KCNN2: variants seen among roughly 807,000 people sequenced by gnomAD.
The protein encoded by KCNN2 is potassium calcium-activated channel subfamily N member 2.
Under a neutral mutation model 55.5 loss-of-function variants are expected in KCNN2, and 24 were observed. The ratio of observed to expected loss-of-function variants is 0.43; its 90% CI spans 0.31 to 0.61. The LOEUF (loss-of-function observed/expected upper bound fraction) is 0.61, where lower values mean the gene tolerates loss of function less well. Ranked by LOEUF, KCNN2 falls within the 20% of genes least tolerant of loss-of-function variation. The pLI is 0.08. For missense variants in KCNN2, 754 were observed against 853.6 expected (o/e 0.88, Z 1.45); for synonymous variants, 431 against 336.1 (o/e 1.28, Z -3.09).
intron 1 of KCNN2, among the ~76,000 whole-genome samples, chr5:114,129,914 G>A (rs1200024412): frequency 6.6e-6 from 1 of 152,182 alleles, no homozygotes; most frequent in Non-Finnish European, 1.5e-5. Flanking sequence ...AACACATCAA[G>A]CCCAAAATTC....
chr5:114,261,159 T>C (rs1755101239), intron 2 of KCNN2, among the ~76,000 whole-genome samples: 1 of 152,180 alleles, frequency 6.6e-6, no homozygotes, highest in East Asian at 1.9e-4. Context: ...CCTCCAGAGA[T>C]TTCTAGGAAA....
intron 3 of KCNN2, among the ~76,000 whole-genome samples, chr5:114,422,284 A>T (rs1243457019): frequency 6.6e-6 from 1 of 152,130 alleles, no homozygotes; most frequent in South Asian, 2.1e-4. Context: ...GGGGTCTTTC[A>T]TAGATGATTG....
intron 2 of KCNN2, among the ~76,000 whole-genome samples, chr5:114,384,725 G>A (rs565942800): frequency 6.6e-6 from 1 of 152,216 alleles, no homozygotes; most frequent in East Asian, 1.9e-4. Flanking sequence ...CCTATTAATT[G>A]GTTGTGACTG....
chr5:114,438,438 A>G (rs1210526543), intron 3 of KCNN2, among the ~76,000 whole-genome samples: 3 of 151,084 alleles, frequency 2.0e-5, no homozygotes, highest in Admixed American at 2.0e-4. Context: ...TAGAAAAAAT[A>G]TATTTCTGTT....
chr5:114,492,311 T>C (rs1747896218), intron 6 of KCNN2, among the ~76,000 whole-genome samples: 1 of 152,154 alleles, frequency 6.6e-6, no homozygotes, highest in African/African-American at 2.4e-5. Context: ...TCATTTCAAT[T>C]GAAAAATAAT....
At chr5:114,472,700 A>C (rs926214549) in intron 4 of KCNN2, among the ~76,000 whole-genome samples, 4 of 152,184 alleles carry the variant, frequency 2.6e-5, no homozygotes, top group Non-Finnish European at 4.4e-5. Flanking sequence ...CATTTATGCT[A>C]ATCTACTCAT....
intron 1 of KCNN2, among the ~76,000 whole-genome samples, chr5:114,185,078 A>AT (rs1753305151): frequency 6.6e-6 from 1 of 152,190 alleles, no homozygotes; most frequent in African/African-American, 2.4e-5. Context: ...TTGTTGATGA[A>AT]TAGTGGAGCT....
At chr5:114,079,785 G>A (rs1356895158) in intron 1 of KCNN2, among the ~76,000 whole-genome samples, 1 of 151,534 alleles carries the variant, frequency 6.6e-6, no homozygotes, top group Non-Finnish European at 1.5e-5. Flanking sequence ...GCAGCCATCA[G>A]CTTTAAGAGG....
At chr5:114,268,812 A>G (rs1453374372) in intron 2 of KCNN2, among the ~76,000 whole-genome samples, 1 of 152,202 alleles carries the variant, frequency 6.6e-6, no homozygotes, top group Non-Finnish European at 1.5e-5. Flanking sequence ...TTAGAGCTCA[A>G]GGTGAGAACT....
intron 1 of KCNN2, among the ~76,000 whole-genome samples, chr5:114,103,375 A>G (rs1470239267): frequency 6.6e-6 from 1 of 152,106 alleles, no homozygotes; most frequent in Non-Finnish European, 1.5e-5. Context: ...CTGCAAACAG[A>G]GATAATTTGA....
chr5:114,127,929 C>T (rs573751966), intron 1 of KCNN2, among the ~76,000 whole-genome samples: 1 of 152,208 alleles, frequency 6.6e-6, no homozygotes, highest in Non-Finnish European at 1.5e-5. Context: ...CAGTTCCCAA[C>T]AAGTTTCTTA....
chr5:114,290,426 G>T (rs1318421959), intron 2 of KCNN2, among the ~76,000 whole-genome samples: 1 of 151,886 alleles, frequency 6.6e-6, no homozygotes, highest in Admixed American at 6.6e-5. Context: ...TTCCTATAAG[G>T]TCAGTAGTTA....
chr5:114,151,328 G>A (rs1343478191), intron 1 of KCNN2, among the ~76,000 whole-genome samples: 1 of 152,080 alleles, frequency 6.6e-6, no homozygotes, highest in East Asian at 1.9e-4. Flanking sequence ...GTGGGTTGGG[G>A]ACAGGGCTCA....
At chr5:114,151,303 C>T (rs1234746409) in intron 1 of KCNN2, among the ~76,000 whole-genome samples, 1 of 152,036 alleles carries the variant, frequency 6.6e-6, no homozygotes, top group African/African-American at 2.4e-5. Context: ...TAAGTTAAAA[C>T]TTGATTAAAT....
intron 1 of KCNN2, among the ~76,000 whole-genome samples, chr5:114,197,719 C>T (rs1753588052): frequency 6.6e-6 from 1 of 152,122 alleles, no homozygotes; most frequent in African/African-American, 2.4e-5. Flanking sequence ...CAGCAGCCTG[C>T]TCCTCCTAGG....
chr5:114,289,097 A>T (rs983780372), intron 2 of KCNN2, among the ~76,000 whole-genome samples: 15 of 152,286 alleles, frequency 9.8e-5, no homozygotes, highest in African/African-American at 3.6e-4. Flanking sequence ...TGTTGGGAAG[A>T]TTAATCTTTT....
intron 1 of KCNN2, among the ~76,000 whole-genome samples, chr5:114,122,902 G>A (rs892250355): frequency 3.3e-5 from 5 of 152,182 alleles, no homozygotes; most frequent in South Asian, 4.1e-4. Context: ...GTAAGTAGAA[G>A]AAGAACACGC....
At chr5:114,449,908 A>ACACACACGCG (rs1309590184) in intron 3 of KCNN2, among the ~76,000 whole-genome samples, 105 of 66,178 alleles carry the variant, frequency 1.6e-3, no homozygotes, top group African/African-American at 3.6e-3. Flanking sequence ...ACACACACAC[A>ACACACACGCG]CGCGCGCGCT....
chr5:114,149,676 A>G (rs1301428319), intron 1 of KCNN2, among the ~76,000 whole-genome samples: 2 of 152,190 alleles, frequency 1.3e-5, no homozygotes, highest in South Asian at 4.1e-4. Context: ...AATTTAAAAT[A>G]TAGTGTGTGC....
Sources: gnomAD v4.1 joint callset for allele counts (sites outside exome capture counted in the v4.1 genomes callset) on GRCh38, gnomAD v4.1.1 for gene constraint, MANE v1.5 for transcripts, NCBI Gene and HGNC (gene_info 2026-07-23, HGNC 2026-07-21) for gene names.